Variants in VPS13A observed in about 807,000 individuals in gnomAD.
VPS13A encodes intermembrane lipid transfer protein VPS13A.
Under a neutral mutation model 390.9 loss-of-function variants are expected in VPS13A, and 264 were observed. The observed-to-expected ratio is 0.68, with a 90% confidence interval of 0.61 to 0.75. The LOEUF (loss-of-function observed/expected upper bound fraction) is 0.75, where lower values mean the gene tolerates loss of function less well. Ranked by LOEUF, VPS13A falls within the 30% of genes least tolerant of loss-of-function variation. The pLI is 0.00. For missense variants in VPS13A, 3,409 were observed against 3,733.9 expected (o/e 0.91, Z 2.27); for synonymous variants, 1,231 against 1,227.1 (o/e 1.00, Z -0.07).
At chr9:77,188,696 C>T (rs1824492139) in intron 1 of VPS13A, among the ~76,000 whole-genome samples, 2 of 152,188 alleles carry the variant, frequency 1.3e-5, no homozygotes. Context: ...GTTCTTAAAT[C>T]TCCAGACTGC....
At chr9:77,216,180 A>T (rs574684710) in intron 10 of VPS13A, among the ~76,000 whole-genome samples, 3 of 151,982 alleles carry the variant, frequency 2.0e-5, no homozygotes, top group South Asian at 2.1e-4. Flanking sequence ...AGAAAAAAAA[A>T]TTTTTTTTCT....
chr9:77,399,927 A>T (rs1277984365), intron 68 of VPS13A, among the ~76,000 whole-genome samples: 1 of 152,032 alleles, frequency 6.6e-6, no homozygotes, highest in African/African-American at 2.4e-5. Context: ...ATATAATTTT[A>T]TTTACTATAT....
intron 68 of VPS13A, among the ~76,000 whole-genome samples, chr9:77,390,873 A>G (rs1833871383): frequency 6.6e-6 from 1 of 152,008 alleles, no homozygotes; most frequent in Non-Finnish European, 1.5e-5. Flanking sequence ...AGGAACTTAA[A>G]TGAGACTAAT....
At chr9:77,357,254 G>A (rs561341340) in intron 55 of VPS13A, among the ~76,000 whole-genome samples, 2 of 145,058 alleles carry the variant, frequency 1.4e-5, no homozygotes, top group Non-Finnish European at 3.0e-5. Flanking sequence ...AGGAGGTGGA[G>A]GTTGCAGTGA....
At position 77,370,498 on chromosome 9, in the gene VPS13A, C is replaced by G; in HGVS notation, c.8827C>G (p.Gln2943Glu). 1.2e-6 allele frequency: 2 copies of G among 1,614,036 alleles called. No homozygotes were observed. The highest frequency in any genetic ancestry group is 1.3e-5 in the African/African-American group (1 of 74,984). The change falls in exon 65 of 72, where the codon CAG becomes GAG. Residue 2943 changes from glutamine (Q) to glutamate (E), a missense_variant. Gln to Glu is a conservative substitution (Grantham distance 29). Coordinates refer to ENST00000360280, the MANE Select transcript of VPS13A (RefSeq NM_033305.3). ...AAMTMDEDYQ[Q>E]KRREAMNKQP... ...TATGACCATGGATGAAGACTACCAACAGAAGAGAAGAGAAGCCATGAATAA... is the reference window on the plus strand; with the variant it reads ...TATGACCATGGATGAAGACTACCAAGAGAAGAGAAGAGAAGCCATGAATAA...
chr9:77,272,967 G>A (rs955522786), intron 23 of VPS13A, among the ~76,000 whole-genome samples: 6 of 152,148 alleles, frequency 3.9e-5, no homozygotes. Context: ...TGACTTGTGT[G>A]TTCCTCACAG....
chr9:77,384,338 T>C (rs1833590096), intron 68 of VPS13A, among the ~76,000 whole-genome samples: 1 of 151,860 alleles, frequency 6.6e-6, no homozygotes, highest in Non-Finnish European at 1.5e-5. Context: ...TTTAATATAT[T>C]CACAAAATAC....
chr9:77,399,199 A>AGG (rs1834266647), intron 68 of VPS13A, among the ~76,000 whole-genome samples: 3 of 110,284 alleles, frequency 2.7e-5, no homozygotes, highest in African/African-American at 3.5e-5. Flanking sequence ...AAAAAAAAAA[A>AGG]AAAAAACAAA....
At chr9:77,199,385 A>G (rs924539820) in intron 1 of VPS13A, among the ~76,000 whole-genome samples, 5 of 152,174 alleles carry the variant, frequency 3.3e-5, no homozygotes, top group Admixed American at 3.3e-4. Flanking sequence ...ATGGGGTTAC[A>G]TGTAACATCC....
intron 17 of VPS13A, among the ~76,000 whole-genome samples, chr9:77,228,916 C>T (rs1056703977): frequency 6.7e-6 from 1 of 149,870 alleles, no homozygotes; most frequent in Non-Finnish European, 1.5e-5. Flanking sequence ...TATTCACTAC[C>T]ATGAGAACAG....
chr9:77,210,555 TAA>T (rs1825924522), intron 6 of VPS13A, 59 bp from the exon 7 acceptor site: 1 of 1,541,026 alleles, frequency 6.5e-7, no homozygotes. Context: ...GTTTTTTCTA[TAA>T]AGTGGATTTT....
intron 31 of VPS13A, among the ~76,000 whole-genome samples, chr9:77,288,080 C>T (rs1827437314): frequency 1.3e-5 from 2 of 152,100 alleles, no homozygotes; most frequent in African/African-American, 4.8e-5. Context: ...CACTGTTTTT[C>T]GTTCCTGTAG....
chr9:77,213,601 A>G (rs569611953), intron 9 of VPS13A, among the ~76,000 whole-genome samples: 60 of 152,004 alleles, frequency 3.9e-4, no homozygotes, highest in Non-Finnish European at 6.9e-4. Context: ...GGCTCAAGCA[A>G]TCATCCTTCC....
intron 65 of VPS13A, 150 bp downstream of exon 65, chr9:77,370,728 A>T: frequency 1.5e-6 from 2 of 1,322,208 alleles, no homozygotes. Flanking sequence ...AAAACATGTC[A>T]GTAGCCTCTA....
At position 77,421,301 on chromosome 9, in the gene VPS13A, T is replaced by C. The variant is rs1835331782; in HGVS notation, c.*5295T>C. On this transcript the variant is annotated 3_prime_UTR_variant, in exon 72 of 72. Coordinates refer to ENST00000360280, the MANE Select transcript of VPS13A (RefSeq NM_033305.3). The stretch of plus-strand genomic sequence containing the variant: ...AGTTGCCTGTTACACAGCCTCTGCC[T>C]TGGTTTTGTGTATTCTAAGATAATT... The C allele has an allele frequency of 6.6e-6, 1 of 152,240 alleles. No individual in the cohort carries two copies. Among genetic ancestry groups the C allele is most frequent in the South Asian group, 2.1e-4 (1 of 4,832 alleles). 9.4% of individuals were successfully genotyped at this position (152,240 alleles called of 1,614,324 possible). A position where few individuals can be genotyped will look rare whatever the true frequency, so the allele number is the denominator to read the frequency against.
chr9:77,215,168 T>G (rs931462355), intron 10 of VPS13A, among the ~76,000 whole-genome samples: 2 of 152,192 alleles, frequency 1.3e-5, no homozygotes, highest in African/African-American at 2.4e-5. Context: ...AAAGTGCTGT[T>G]TTTTCTATGA....
chr9:77,412,331 T>G (rs1834975107), intron 71 of VPS13A, among the ~76,000 whole-genome samples: 1 of 152,166 alleles, frequency 6.6e-6, no homozygotes, highest in South Asian at 2.1e-4. Context: ...TGAACATTGA[T>G]GCAAAAATCC....
chr9:77,358,071 T>C (rs1379460837), intron 56 of VPS13A, among the ~76,000 whole-genome samples: 2 of 147,612 alleles, frequency 1.4e-5, no homozygotes, highest in Middle Eastern at 3.5e-3. Context: ...TTCTGCTGCC[T>C]CAGCCTCCTG....
intron 68 of VPS13A, chr9:77,390,186 T>C (rs1833847557): frequency 1.1e-6 from 1 of 880,212 alleles, no homozygotes; most frequent in Non-Finnish European, 1.4e-6. Flanking sequence ...TGGACTTCAC[T>C]CTTCATTTTA....
Sources: gnomAD v4.1 joint callset for allele counts (sites outside exome capture counted in the v4.1 genomes callset) on GRCh38, gnomAD v4.1.1 for gene constraint, MANE v1.5 for transcripts, NCBI Gene and HGNC (gene_info 2026-07-23, HGNC 2026-07-21) for gene names.